Variants in RPS6KA2 observed in about 807,000 individuals in gnomAD.
RPS6KA2 encodes the protein ribosomal protein S6 kinase A2, also known as ribosomal protein S6 kinase alpha-2.
RPS6KA2 carries 42 observed loss-of-function variants against 91.8 expected under a neutral mutation model. That is an observed-to-expected ratio of 0.46 (90% CI 0.36 to 0.59). RPS6KA2 has a LOEUF of 0.59. RPS6KA2 is among the 20% of genes least tolerant of loss of function. The pLI, the probability that RPS6KA2 is intolerant of heterozygous loss-of-function variation, is 0.00. For synonymous variants in RPS6KA2, 414 were observed against 393.6 expected (o/e 1.05, Z -0.61); for missense variants, 798 against 978.5 (o/e 0.82, Z 2.46).
chr6:166,414,996 C>T (rs1406035818), intron 19 of RPS6KA2, among the ~76,000 whole-genome samples: 1 of 152,188 alleles, frequency 6.6e-6, no homozygotes. Flanking sequence ...GCCCAGGAGG[C>T]AGAGGTTGGA....
intron 15 of RPS6KA2, among the ~76,000 whole-genome samples, chr6:166,431,997 G>A (rs1056749109): frequency 6.6e-6 from 1 of 152,170 alleles, no homozygotes; most frequent in African/African-American, 2.4e-5. Context: ...TATGCATGAG[G>A]GAAACTGAGG....
chr6:166,454,453 G>A (rs558826635), intron 12 of RPS6KA2, among the ~76,000 whole-genome samples: 28 of 152,146 alleles, frequency 1.8e-4, no homozygotes, highest in African/African-American at 6.3e-4. Flanking sequence ...AGCCAAGATC[G>A]CACCACTGCA....
rs184670240 is a variant in RPS6KA2 at position 166,748,559 on chromosome 6, C to T, written c.123+109641G>A. On this transcript the variant is annotated intron_variant, in intron 2 of 21. Coordinates refer to the RPS6KA2 transcript ENST00000503859. ...GGCCCCCCATCCCCTTGGGCCCCCA[C>T]CTCCTCAGGCCCCCACCTCCTCGGG... Among the ~76,000 whole-genome samples the T allele has an allele frequency of 6.7e-3, 594 of 88,838 alleles. 6 individuals are homozygous for T. The highest frequency in any genetic ancestry group is 0.022 in the African/African-American group (404 of 18,562). The allele number at this position is 88,838 out of a possible 152,430, so 58.3% of individuals were successfully genotyped here.
At chr6:166,861,950 A>G (rs1192176257) in intron 1 of RPS6KA2, among the ~76,000 whole-genome samples, 1 of 152,266 alleles carries the variant, frequency 6.6e-6, no homozygotes, top group Non-Finnish European at 1.5e-5. Context: ...TGCATACACA[A>G]CGCAACATAT....
chr6:166,590,167 G>T (rs1168913424), intron 1 of RPS6KA2, among the ~76,000 whole-genome samples: 1 of 152,222 alleles, frequency 6.6e-6, no homozygotes, highest in East Asian at 1.9e-4. Flanking sequence ...TTTGATTAGA[G>T]CAGCCTTCTG....
At chr6:166,622,894 T>G (rs142546079) in intron 1 of RPS6KA2, among the ~76,000 whole-genome samples, 1 of 152,362 alleles carries the variant, frequency 6.6e-6, no homozygotes, top group African/African-American at 2.4e-5. Context: ...TTGTTAGACA[T>G]TAAGCTCACT....
chr6:166,637,046 T>C (rs951136438), intron 2 of RPS6KA2, among the ~76,000 whole-genome samples: 1 of 152,194 alleles, frequency 6.6e-6, no homozygotes, highest in African/African-American at 2.4e-5. Context: ...ACCCTTCCTC[T>C]CCACCACCTA....
chr6:166,789,192 C>T (rs1779010949), intron 2 of RPS6KA2, among the ~76,000 whole-genome samples: 2 of 152,216 alleles, frequency 1.3e-5, no homozygotes, highest in African/African-American at 2.4e-5. Context: ...CCTTAAAAAA[C>T]AGCGCACCAG....
intron 10 of RPS6KA2, chr6:166,475,796 G>A (rs1224163725): frequency 1.9e-6 from 1 of 533,114 alleles, no homozygotes; most frequent in Non-Finnish European, 3.8e-6. Context: ...AGAAGCCTAG[G>A]AGCCTGGAGC....
At chr6:166,844,795 C>T (rs1032395220) in intron 2 of RPS6KA2, among the ~76,000 whole-genome samples, 2 of 152,240 alleles carry the variant, frequency 1.3e-5, no homozygotes, top group Non-Finnish European at 2.9e-5. Flanking sequence ...AACAAATCCT[C>T]TAAATACACC....
intron 1 of RPS6KA2, among the ~76,000 whole-genome samples, chr6:166,596,727 A>G (rs1001778479): frequency 6.6e-6 from 1 of 152,170 alleles, no homozygotes; most frequent in Non-Finnish European, 1.5e-5. Context: ...GTGTGAGTCA[A>G]TTCTCCTTAA....
At chr6:166,569,592 G>A (rs1348799083) in intron 1 of RPS6KA2, among the ~76,000 whole-genome samples, 1 of 152,192 alleles carries the variant, frequency 6.6e-6, no homozygotes, top group Non-Finnish European at 1.5e-5. Context: ...CTGCTCTCAT[G>A]AGGGGTCTTT....
At chr6:166,718,238 G>A (rs747206660) in intron 2 of RPS6KA2, among the ~76,000 whole-genome samples, 1 of 152,176 alleles carries the variant, frequency 6.6e-6, no homozygotes, top group Non-Finnish European at 1.5e-5. Flanking sequence ...AGGCACAAAG[G>A]GAACTAGGGA....
In RPS6KA2 at chr6:166,732,413, C is replaced by T. The variant is rs768296514; in HGVS notation, c.123+125787G>A. Among the ~76,000 whole-genome samples, 5 of 152,172 alleles carry T rather than the reference C, an allele frequency of 3.3e-5. No individual in the cohort carries two copies. Among genetic ancestry groups the T allele is most frequent in the African/African-American group, 7.2e-5 (3 of 41,448 alleles). ...GTTGGAGAGAGCTGGGTCACCAAGC[C>T]GCACAGCCCAGGCCTTGATATTTGC... On this transcript the variant is annotated intron_variant, in intron 2 of 21. Transcript: ENST00000503859. The surrounding 1 kb of genome is among the most constrained non-coding windows in gnomAD (Gnocchi z 4.0).
At chr6:166,760,638 C>T (rs1417628806) in intron 2 of RPS6KA2, among the ~76,000 whole-genome samples, 1 of 152,186 alleles carries the variant, frequency 6.6e-6, no homozygotes, top group Non-Finnish European at 1.5e-5. Context: ...CTTTCCTGCA[C>T]CACATATTTT....
At chr6:166,573,842 T>C (rs1784760821) in intron 1 of RPS6KA2, among the ~76,000 whole-genome samples, 2 of 152,186 alleles carry the variant, frequency 1.3e-5, no homozygotes, top group African/African-American at 2.4e-5. Flanking sequence ...TAGAGAGAAC[T>C]TTTAAATAGT....
At chr6:166,858,083 T>C (rs1780955288) in intron 2 of RPS6KA2, 1 of 748,632 alleles carries the variant, frequency 1.3e-6, no homozygotes, top group Non-Finnish European at 2.5e-6. Context: ...GAGACACATA[T>C]GTCACTAAAA....
In RPS6KA2 at chr6:166,579,978, G is replaced by A. The variant is rs966103892; in HGVS notation, c.100-41194C>T. Among the ~76,000 whole-genome samples the A allele has an allele frequency of 5.3e-5, 8 of 152,172 alleles. No individual in the cohort carries two copies. The East Asian group carries it at 7.7e-4, about 15-fold the overall frequency. On this transcript the variant is annotated intron_variant, in intron 1 of 20. Coordinates refer to ENST00000265678, the MANE Select transcript of RPS6KA2 (RefSeq NM_021135.6). ...ATAGTGACAACACCTTCCTAACTGCGACCTTTAGAATCACGGCACTTCATC... is the reference window on the plus strand; with the variant it reads ...ATAGTGACAACACCTTCCTAACTGCAACCTTTAGAATCACGGCACTTCATC...
chr6:166,701,066 G>A, intron 2 of RPS6KA2: 2 of 1,508,082 alleles, frequency 1.3e-6, no homozygotes, highest in Admixed American at 1.7e-5. Flanking sequence ...TTTGGCATCT[G>A]CCTCCGTGGT....
Sources: allele counts gnomAD v4.1 joint callset (sites outside exome capture counted in the v4.1 genomes callset), GRCh38; gene constraint gnomAD v4.1.1; non-coding constraint Gnocchi (gnomAD v3.1); transcripts MANE v1.5; gene names NCBI Gene and HGNC (gene_info 2026-07-23, HGNC 2026-07-21).